The following SDCCAG8 variants were observed in gnomAD, a reference collection of about 807,000 sequenced individuals.
SDCCAG8 encodes the protein SHH signaling and ciliogenesis regulator SDCCAG8.
A neutral mutation model predicts 101.8 loss-of-function variants in SDCCAG8; 74 were observed. That is an observed-to-expected ratio of 0.73 (90% confidence interval 0.60 to 0.88). The LOEUF (loss-of-function observed/expected upper bound fraction) is 0.88. Among genes scored for constraint, SDCCAG8 ranks in the 40% least tolerant of loss-of-function variants. The probability of loss-of-function intolerance (pLI) is 0.00; values close to 1 mark genes in which losing one functional copy is unlikely to be tolerated. For synonymous variants in SDCCAG8, 281 were observed against 292.9 expected (o/e 0.96, Z 0.41); for missense variants, 787 against 822.6 (o/e 0.96, Z 0.53).
chr1:243,378,175 T>C (rs569556436), intron 12 of SDCCAG8, among the ~76,000 whole-genome samples: 2 of 147,794 alleles, frequency 1.4e-5, no homozygotes, highest in African/African-American at 5.0e-5. Flanking sequence ...TTTCTCATGC[T>C]TTTTTTTTTC....
chr1:243,318,623 C>T (rs1260623781), intron 9 of SDCCAG8: 8 of 952,832 alleles, frequency 8.4e-6, no homozygotes, highest in Non-Finnish European at 1.0e-5. Context: ...GACCCTCATG[C>T]CTTTTGAAAC....
At chr1:243,271,353 TAATA>T (rs1270326999) in intron 3 of SDCCAG8, among the ~76,000 whole-genome samples, 1 of 148,442 alleles carries the variant, frequency 6.7e-6, no homozygotes, top group East Asian at 1.9e-4. Context: ...ATATAATATA[TAATA>T]AATTAATATA....
At chr1:243,294,480 G>GA (rs1326588208) in intron 6 of SDCCAG8, among the ~76,000 whole-genome samples, 7 of 27,756 alleles carry the variant, frequency 2.5e-4, no homozygotes, top group Admixed American at 6.2e-4. Flanking sequence ...AGGTGGGGGG[G>GA]GGGAGAGAGA....
intron 6 of SDCCAG8, among the ~76,000 whole-genome samples, chr1:243,296,775 C>T (rs1471656733): frequency 4.6e-5 from 7 of 151,624 alleles, no homozygotes; most frequent in Admixed American, 2.6e-4. Flanking sequence ...CCTCGTGATC[C>T]GCCCGCCTCG....
chr1:243,490,167 T>G (rs1666043848), intron 17 of SDCCAG8, among the ~76,000 whole-genome samples: 1 of 152,242 alleles, frequency 6.6e-6, no homozygotes, highest in Non-Finnish European at 1.5e-5. Context: ...AAGGAACCTG[T>G]AAGTACTGAC....
intron 12 of SDCCAG8, among the ~76,000 whole-genome samples, chr1:243,366,148 T>A (rs74150983): frequency 0.012 from 1,787 of 152,202 alleles, 30 homozygotes; most frequent in African/African-American, 0.04. Context: ...TAAATTGACT[T>A]ATGAAGTTTT....
At chr1:243,285,170 C>T (rs558394022) in intron 4 of SDCCAG8, among the ~76,000 whole-genome samples, 16 of 152,318 alleles carry the variant, frequency 1.1e-4, no homozygotes, top group East Asian at 3.9e-4. Context: ...TGAGCCACCG[C>T]GCCCGGTCTG....
At chr1:243,312,635 G>T (rs2072844506) in intron 8 of SDCCAG8, among the ~76,000 whole-genome samples, 1 of 151,902 alleles carries the variant, frequency 6.6e-6, no homozygotes, top group South Asian at 2.1e-4. Context: ...GAACCTGGGA[G>T]GCGGAGGTTG....
chr1:243,353,109 T>C (rs1255609837), intron 12 of SDCCAG8, among the ~76,000 whole-genome samples: 2 of 152,098 alleles, frequency 1.3e-5, no homozygotes, highest in East Asian at 1.9e-4. Flanking sequence ...AATAAATATA[T>C]GTCAAAGAGA....
chr1:243,344,147 A>C, intron 11 of SDCCAG8, 68 bp from the exon 12 acceptor site: 1 of 1,289,402 alleles, frequency 7.8e-7, no homozygotes, highest in Non-Finnish European at 1.1e-6. Context: ...GGGCACCAAA[A>C]GATCTAATTG....
intron 4 of SDCCAG8, among the ~76,000 whole-genome samples, chr1:243,285,632 C>T (rs968361628): frequency 2.6e-5 from 4 of 152,100 alleles, no homozygotes; most frequent in Non-Finnish European, 5.9e-5. Context: ...AAACGTTTTT[C>T]CAGAGACTGA....
In SDCCAG8 at chr1:243,458,296, A is replaced by G. The variant is rs190725745; in HGVS notation, c.1986-30718A>G. Among the ~76,000 whole-genome samples the G allele has an allele frequency of 2.0e-5, 3 of 152,212 alleles. No homozygotes were observed. In the East Asian group the frequency reaches 5.8e-4, roughly 29 times the overall value. ...CCCTGTCCTTGATTCCCTAATTTCC[A>G]CAGTTTGACAGCACCGAATGTTGTG... On this transcript the variant is annotated intron_variant, in intron 16 of 17. Transcript: ENST00000366541. The surrounding 1 kb of genome is among the most constrained non-coding windows in gnomAD (Gnocchi z 4.5).
intron 16 of SDCCAG8, among the ~76,000 whole-genome samples, chr1:243,463,922 G>C (rs923701535): frequency 1.3e-5 from 2 of 152,032 alleles, no homozygotes; most frequent in African/African-American, 4.8e-5. Flanking sequence ...GTGAACTCTC[G>C]GTGTTCCCGT....
chr1:243,260,410 C>T (rs567284904), intron 1 of SDCCAG8, among the ~76,000 whole-genome samples: 1 of 152,282 alleles, frequency 6.6e-6, no homozygotes, highest in South Asian at 2.1e-4. Flanking sequence ...CAAGATAGCA[C>T]ATGCGCCTTC....
chr1:243,375,209 A>T (rs2077529708), intron 12 of SDCCAG8, among the ~76,000 whole-genome samples: 1 of 152,108 alleles, frequency 6.6e-6, no homozygotes, highest in South Asian at 2.1e-4. Context: ...AAACTTAAGA[A>T]ATAGCAGTAT....
Position 243,270,236 on chromosome 1 carries a change from G to C in SDCCAG8, c.199G>C (p.Glu67Gln). ...TGAGGACGCCAGGACAGCCTGGCCC[G>C]AATTACAACAGAGCCATGCTGGTGA... ...GNEDARTAWP[E>Q]LQQSHAVNQL... The change falls in exon 2 of 18, where the codon GAA becomes CAA. Residue 67 changes from glutamate to glutamine, a missense_variant. Physicochemically the swap from Glu to Gln is conservative, Grantham distance 29. Coordinates refer to ENST00000366541, the MANE Select transcript of SDCCAG8 (RefSeq NM_006642.5). The C allele has an allele frequency of 6.2e-7, 1 of 1,614,076 alleles. No homozygotes were observed. The highest frequency in any genetic ancestry group is 1.1e-5 in the South Asian group (1 of 91,058).
intron 12 of SDCCAG8, among the ~76,000 whole-genome samples, chr1:243,376,732 A>G (rs1030118888): frequency 2.0e-5 from 3 of 151,640 alleles, no homozygotes; most frequent in African/African-American, 7.3e-5. Flanking sequence ...TTCTGTTTTA[A>G]GTCCCTCCAC....
chr1:243,330,477 G>A, intron 9 of SDCCAG8, 63 bp from the exon 10 acceptor site: 5 of 1,535,596 alleles, frequency 3.3e-6, no homozygotes, highest in African/African-American at 1.4e-5. Context: ...GCTTAATTAT[G>A]TCATTTTACC....
chr1:243,267,633 T>C, intron 1 of SDCCAG8: 1 of 695,414 alleles, frequency 1.4e-6, no homozygotes, highest in Non-Finnish European at 2.6e-6. Context: ...CCCGGTCAAC[T>C]GTGGGCACAA....
Sources: allele counts gnomAD v4.1 joint callset (sites outside exome capture counted in the v4.1 genomes callset), GRCh38; gene constraint gnomAD v4.1.1; non-coding constraint Gnocchi (gnomAD v3.1); transcripts MANE v1.5; gene names NCBI Gene and HGNC (gene_info 2026-07-23, HGNC 2026-07-21).